TET2: variants seen among roughly 807,000 people sequenced by gnomAD.
TET2 encodes the protein methylcytosine dioxygenase TET2.
TET2 carries 299 observed loss-of-function variants against 142.9 expected under a neutral mutation model. That is an observed-to-expected ratio of 2.09 (90% CI 1.90 to 2.30). The LOEUF is 2.30. Ranked by LOEUF, TET2 falls within the 30% of genes most tolerant of loss-of-function variation. The probability of loss-of-function intolerance (pLI) is 0.00; values close to 1 mark genes in which losing one functional copy is unlikely to be tolerated. For synonymous variants in TET2, 819 were observed against 849.0 expected (o/e 0.96, Z 0.61); for missense variants, 2,418 against 2,378.0 (o/e 1.02, Z -0.35).
At chr4:105,166,515 C>T (rs1724157368) in intron 1 of TET2, among the ~76,000 whole-genome samples, 1 of 151,012 alleles carries the variant, frequency 6.6e-6, no homozygotes, top group African/African-American at 2.4e-5. Context: ...AGAGTTTCTT[C>T]TCATTTTTCT....
rs140575105 is a variant in TET2 at position 105,240,927 on chromosome 4, A to C, written c.3410-412A>C. ...ATTCTGGGGGTGGGATAGAGCAGGA[A>C]ATTTTATTTTTAATCTTTTAAAATC... On this transcript the variant is annotated intron_variant, in intron 3 of 10. Coordinates refer to ENST00000380013, the MANE Select transcript of TET2 (RefSeq NM_001127208.3). The C allele has an allele frequency of 1.7e-4, 187 of 1,081,782 alleles. 3 individuals carry two copies. The African/African-American group carries it at 2.6e-3, about 15-fold the overall frequency. The allele number at this position is 1,081,782 out of a possible 1,614,324, so 67.0% of individuals were successfully genotyped here.
intron 4 of TET2, chr4:105,242,433 C>G (rs1729357345): frequency 9.2e-7 from 1 of 1,087,726 alleles, no homozygotes; most frequent in African/African-American, 1.6e-5. Context: ...CTTGGAGGAA[C>G]AGTTCTAACT....
intron 2 of TET2, among the ~76,000 whole-genome samples, chr4:105,203,505 CATTA>C (rs1726599935): frequency 6.6e-6 from 1 of 151,632 alleles, no homozygotes; most frequent in African/African-American, 2.4e-5. Context: ...CAATACATTA[CATTA>C]CACAGAAGGG....
chr4:105,193,697 A>C (rs1453174920), intron 2 of TET2, among the ~76,000 whole-genome samples: 1 of 152,186 alleles, frequency 6.6e-6, no homozygotes, highest in East Asian at 1.9e-4. Flanking sequence ...TTTCAAAATG[A>C]TTAATTACGT....
chr4:105,204,184 T>G (rs1398297719), intron 2 of TET2, among the ~76,000 whole-genome samples: 23 of 139,132 alleles, frequency 1.7e-4, no homozygotes, highest in African/African-American at 6.2e-4. Context: ...GGCGACGGAG[T>G]GAGACTCCGT....
chr4:105,227,840 T>C (rs936553414), intron 2 of TET2, among the ~76,000 whole-genome samples: 3 of 152,180 alleles, frequency 2.0e-5, no homozygotes, highest in East Asian at 1.9e-4. Context: ...CTACTTTCAC[T>C]GAATAGCAGG....
chr4:105,191,748 G>T (rs1018229248), intron 2 of TET2, among the ~76,000 whole-genome samples: 1 of 152,078 alleles, frequency 6.6e-6, no homozygotes, highest in Non-Finnish European at 1.5e-5. Flanking sequence ...ATTCCTGGAT[G>T]TTGCCATTTT....
intron 2 of TET2, among the ~76,000 whole-genome samples, chr4:105,223,690 G>A (rs1486864260): frequency 6.6e-6 from 1 of 152,104 alleles, no homozygotes; most frequent in Non-Finnish European, 1.5e-5. Context: ...ATCCAAAATA[G>A]TTTTGGAGAA....
At chr4:105,253,317 A>G (rs566303641) in intron 6 of TET2, among the ~76,000 whole-genome samples, 1 of 152,250 alleles carries the variant, frequency 6.6e-6, no homozygotes, top group African/African-American at 2.4e-5. Context: ...CTATCCATGA[A>G]CATGGAACAT....
At chr4:105,193,144 G>C (rs1484383755) in intron 2 of TET2, among the ~76,000 whole-genome samples, 1 of 152,158 alleles carries the variant, frequency 6.6e-6, no homozygotes, top group Non-Finnish European at 1.5e-5. Flanking sequence ...ACAAAGGAAG[G>C]TGACAGGGCA....
chr4:105,272,699 C>T lies in TET2; in HGVS notation c.4318C>T (p.Arg1440Trp), dbSNP rs369911989. Residue 1440 changes from arginine to tryptophan, a missense_variant, in exon 10 of 11, where the codon CGG becomes TGG. Physicochemically the swap from Arg to Trp is moderately radical, Grantham distance 101. Transcript: ENST00000380013. ...TGTGGAAGCTCAGGAGGAGAAAAAACGGAGTGGTGCCATTCAGGTACTGAG... is the reference window on the plus strand; with the variant it reads ...TGTGGAAGCTCAGGAGGAGAAAAAATGGAGTGGTGCCATTCAGGTACTGAG... ...GSVEAQEEKK[R>W]SGAIQVLSSF... 26 of 1,551,556 alleles carry T rather than the reference C, an allele frequency of 1.7e-5. No individual in the cohort carries two copies. The highest frequency in any genetic ancestry group is 3.9e-5 in the Admixed American group (2 of 50,978).
At chr4:105,214,544 C>G (rs1727374463) in intron 2 of TET2, among the ~76,000 whole-genome samples, 1 of 144,172 alleles carries the variant, frequency 6.9e-6, no homozygotes, top group South Asian at 2.2e-4. Context: ...CTCCTGGGCT[C>G]AAGTGATCCA....
At chr4:105,252,839 C>T (rs1189668424) in intron 6 of TET2, among the ~76,000 whole-genome samples, 1 of 152,134 alleles carries the variant, frequency 6.6e-6, no homozygotes, top group Non-Finnish European at 1.5e-5. Context: ...TATAGATTCA[C>T]TTGTTTGCAT....
intron 2 of TET2, among the ~76,000 whole-genome samples, chr4:105,214,867 G>A (rs998927863): frequency 2.0e-5 from 3 of 152,110 alleles, no homozygotes; most frequent in African/African-American, 7.2e-5. Flanking sequence ...ATATAAGTAA[G>A]TGTTTCTTGA....
In TET2 at chr4:105,272,929, T is replaced by G; in HGVS notation, c.4537+11T>G. 6.6e-7 allele frequency: 1 copy of G among 1,508,188 alleles called. No homozygotes were observed. 93.4% of individuals were successfully genotyped at this position (1,508,188 alleles called of 1,614,324 possible). On this transcript the variant is annotated intron_variant, in intron 10 of 10. Coordinates refer to ENST00000380013, the MANE Select transcript of TET2 (RefSeq NM_001127208.3). Reference sequence around the variant, plus strand: ...CTAAACAGTTGGCAGGTAAATTTAATGTAAAGCATTTGTAGATAAATGTGT... The same window carrying G: ...CTAAACAGTTGGCAGGTAAATTTAAGGTAAAGCATTTGTAGATAAATGTGT...
chr4:105,230,705 A>T (rs971449177), intron 2 of TET2, among the ~76,000 whole-genome samples: 5 of 152,304 alleles, frequency 3.3e-5, no homozygotes, highest in African/African-American at 1.2e-4. Flanking sequence ...GGCGTCCTAT[A>T]TGTTAAGAAA....
intron 10 of TET2, among the ~76,000 whole-genome samples, chr4:105,274,067 A>G (rs1731085235): frequency 6.6e-6 from 1 of 152,242 alleles, no homozygotes; most frequent in African/African-American, 2.4e-5. Context: ...ATAATTTAGA[A>G]TATGCTAAAG....
chr4:105,275,113 C>T lies in TET2; in HGVS notation c.4603C>T (p.Pro1535Ser), dbSNP rs906127830. 12 of 1,551,182 alleles carry T rather than the reference C, an allele frequency of 7.7e-6. No individual in the cohort carries two copies. In the African/African-American group the frequency reaches 1.5e-4, roughly 19 times the overall value. ...SQQPQPLQKQ[P>S]PQPQQQQRPQ... ...GCAGCCCCAGCCTCTACAGAAGCAG[C>T]CACCACAGCCCCAGCAGCAGCAGAG... The change falls in exon 11 of 11, where the codon CCA (proline) becomes TCA (serine). Residue 1535 changes from proline to serine, a missense_variant. Pro to Ser is a moderately conservative substitution (Grantham distance 74). Coordinates refer to ENST00000380013, the MANE Select transcript of TET2 (RefSeq NM_001127208.3).
At chr4:105,256,915 A>G (rs1476967601) in intron 6 of TET2, among the ~76,000 whole-genome samples, 3 of 152,136 alleles carry the variant, frequency 2.0e-5, no homozygotes, top group Non-Finnish European at 4.4e-5. Flanking sequence ...TCTATTTAAT[A>G]ATATCTTTTT....
Sources: gnomAD v4.1 joint callset for allele counts (sites outside exome capture counted in the v4.1 genomes callset) on GRCh38, gnomAD v4.1.1 for gene constraint, MANE v1.5 for transcripts, NCBI Gene and HGNC (gene_info 2026-07-23, HGNC 2026-07-21) for gene names.